The following SLC44A5 variants were observed in gnomAD, a reference collection of about 807,000 sequenced individuals.
SLC44A5 encodes the protein solute carrier family 44 member 5.
SLC44A5 carries 57 observed loss-of-function variants against 101.8 expected under a neutral mutation model. That is an observed-to-expected ratio of 0.56 (90% CI 0.45 to 0.70). The LOEUF (loss-of-function observed/expected upper bound fraction) is 0.70. Ranked by LOEUF, SLC44A5 falls within the 30% of genes least tolerant of loss-of-function variation. SLC44A5 has a pLI of 0.00. For synonymous variants in SLC44A5, 281 were observed against 290.9 expected, an observed-to-expected ratio of 0.97 and a Z score of 0.35; for missense variants, 737 against 853.1, an observed-to-expected ratio of 0.86 and a Z score of 1.70.
chr1:75,402,239 A>C (rs1229498558), intron 2 of SLC44A5: 2 of 160,508 alleles, frequency 1.2e-5, no homozygotes, highest in African/African-American at 4.8e-5. Flanking sequence ...GGGGAGTCCA[A>C]GAGGCCTGGC....
At chr1:75,491,881 T>G (rs1668444292) in intron 2 of SLC44A5, among the ~76,000 whole-genome samples, 1 of 152,212 alleles carries the variant, frequency 6.6e-6, no homozygotes, top group Non-Finnish European at 1.5e-5. Flanking sequence ...TTAAAACATT[T>G]TTTATGATTG....
intron 2 of SLC44A5, among the ~76,000 whole-genome samples, chr1:75,447,510 T>C (rs1459874707): frequency 3.3e-5 from 5 of 152,172 alleles, no homozygotes; most frequent in Non-Finnish European, 7.4e-5. Flanking sequence ...CAAGAGATGC[T>C]AAAAATCTGC....
chr1:75,295,293 A>C, intron 5 of SLC44A5, among the ~76,000 whole-genome samples: 1 of 152,206 alleles, frequency 6.6e-6, no homozygotes, highest in East Asian at 1.9e-4. Context: ...TCATCTTGGA[A>C]TTATCTTTGT....
chr1:75,609,460 G>A (rs1675523914), intron 1 of SLC44A5, among the ~76,000 whole-genome samples: 1 of 152,038 alleles, frequency 6.6e-6, no homozygotes, highest in South Asian at 2.1e-4. Flanking sequence ...ATAAAAGATT[G>A]TAGATTTTAA....
intron 1 of SLC44A5, among the ~76,000 whole-genome samples, chr1:75,598,578 G>A (rs1280804582): frequency 6.6e-6 from 1 of 152,186 alleles, no homozygotes. Flanking sequence ...TATACACCAT[G>A]GAATACTATG....
intron 2 of SLC44A5, among the ~76,000 whole-genome samples, chr1:75,478,931 A>C (rs1290028720): frequency 6.6e-6 from 1 of 152,228 alleles, no homozygotes; most frequent in Non-Finnish European, 1.5e-5. Context: ...TCTCCACCCC[A>C]AATCAACAGA....
chr1:75,368,057 A>AT (rs1383103136), intron 3 of SLC44A5, among the ~76,000 whole-genome samples: 1 of 152,178 alleles, frequency 6.6e-6, no homozygotes, highest in African/African-American at 2.4e-5. Flanking sequence ...ATAGCTAATG[A>AT]TTTTTTGTCA....
chr1:75,315,665 T>C (rs1655634927), intron 4 of SLC44A5, among the ~76,000 whole-genome samples: 1 of 152,178 alleles, frequency 6.6e-6, no homozygotes, highest in African/African-American at 2.4e-5. Context: ...AGTAATCTCA[T>C]CTATACCATA....
the SLC44A5 span, among the ~76,000 whole-genome samples, chr1:75,670,685 G>A: frequency 6.6e-6 from 1 of 152,166 alleles, no homozygotes; most frequent in East Asian, 1.9e-4. Context: ...GAAGAAGAGT[G>A]TGCTGAACAA....
intron 2 of SLC44A5, among the ~76,000 whole-genome samples, chr1:75,531,316 T>C (rs1294570380): frequency 6.6e-6 from 1 of 152,234 alleles, no homozygotes; most frequent in Non-Finnish European, 1.5e-5. Flanking sequence ...TAAAATATAT[T>C]GCCAAACTTT....
the SLC44A5 span, among the ~76,000 whole-genome samples, chr1:75,625,177 TC>T: frequency 1.3e-4 from 20 of 152,160 alleles, no homozygotes; most frequent in Admixed American, 1.3e-3. Context: ...TGGTGGGACT[TC>T]CCTTGTATCA....
intron 2 of SLC44A5, among the ~76,000 whole-genome samples, chr1:75,536,233 A>G (rs1670990554): frequency 1.3e-5 from 2 of 152,136 alleles, no homozygotes; most frequent in South Asian, 4.1e-4. Flanking sequence ...TTTAAAAATA[A>G]TCATAATAAA....
chr1:75,632,750 T>C, the SLC44A5 span, among the ~76,000 whole-genome samples: 2 of 152,214 alleles, frequency 1.3e-5, no homozygotes, highest in East Asian at 1.9e-4. Context: ...CCAAATTGCT[T>C]ATGTTCATAA....
At chr1:75,722,822 G>A in the SLC44A5 span, among the ~76,000 whole-genome samples, 4,464 of 152,268 alleles carry the variant, frequency 0.029, 227 homozygotes, top group African/African-American at 0.099. Context: ...CTGCTGTAAC[G>A]ATGGTCTCAA....
At chr1:75,449,812 C>T (rs1259799187) in intron 2 of SLC44A5, among the ~76,000 whole-genome samples, 1 of 151,974 alleles carries the variant, frequency 6.6e-6, no homozygotes, top group Non-Finnish European at 1.5e-5. Context: ...ACCATCCTGG[C>T]CAACATGGTG....
intron 2 of SLC44A5, among the ~76,000 whole-genome samples, chr1:75,457,651 C>T (rs367972829): frequency 6.6e-5 from 10 of 152,144 alleles, no homozygotes; most frequent in South Asian, 4.1e-4. Flanking sequence ...TGAGGTCAAG[C>T]GTTTGAGAAC....
At chr1:75,376,395 A>C (rs1023614646) in intron 3 of SLC44A5, among the ~76,000 whole-genome samples, 7 of 152,130 alleles carry the variant, frequency 4.6e-5, no homozygotes, top group Non-Finnish European at 1.0e-4. Flanking sequence ...GGCACAGACA[A>C]ACAAAAAGAC....
intron 12 of SLC44A5, among the ~76,000 whole-genome samples, chr1:75,228,123 G>T (rs1346609846): frequency 6.6e-6 from 1 of 152,080 alleles, no homozygotes; most frequent in Non-Finnish European, 1.5e-5. Flanking sequence ...TGACCTTAAT[G>T]TCCATCAGTA....
intron 2 of SLC44A5, among the ~76,000 whole-genome samples, chr1:75,439,661 A>G (rs1416220801): frequency 1.3e-5 from 2 of 152,172 alleles, no homozygotes; most frequent in South Asian, 2.1e-4. Context: ...TGCAGCTCAG[A>G]AAAACACAAT....
Sources: allele counts gnomAD v4.1 joint callset (sites outside exome capture counted in the v4.1 genomes callset), GRCh38; gene constraint gnomAD v4.1.1; transcripts MANE v1.5; gene names NCBI Gene and HGNC (gene_info 2026-07-23, HGNC 2026-07-21).